The following MACF1 variants were observed in gnomAD, a reference collection of about 807,000 sequenced individuals.
MACF1 encodes microtubule-actin cross-linking factor 1.
A neutral mutation model predicts 854.8 loss-of-function variants in MACF1; 193 were observed. The observed-to-expected ratio is 0.23, with a 90% CI of 0.20 to 0.25. The LOEUF is 0.25. MACF1 is among the 10% of genes least tolerant of loss of function. The probability of loss-of-function intolerance (pLI) is 1.00; values close to 1 mark genes in which losing one functional copy is unlikely to be tolerated. For missense variants in MACF1, 7,722 were observed against 8,929.1 expected (o/e 0.86, Z 5.45); for synonymous variants, 3,185 against 3,226.7 (o/e 0.99, Z 0.44).
intron 58 of MACF1, chr1:39,412,512 GGATCTCC>G: frequency 6.2e-7 from 1 of 1,613,990 alleles, no homozygotes; most frequent in Non-Finnish European, 8.5e-7. Context: ...AGGTCTTCCA[GGATCTCC>G]AGAGGAAGTC....
chr1:39,453,064 G>T (rs116060943), intron 87 of MACF1, among the ~76,000 whole-genome samples: 3,850 of 152,200 alleles, frequency 0.025, 84 homozygotes, highest in Middle Eastern at 0.078. Context: ...TTTAAACATG[G>T]TATTAAGAAA....
intron 2 of MACF1, among the ~76,000 whole-genome samples, chr1:39,169,878 A>G (rs1643924439): frequency 6.8e-6 from 1 of 146,428 alleles, no homozygotes; most frequent in African/African-American, 2.5e-5. Context: ...GGTTCACGCC[A>G]TTCTCCTGCC....
chr1:39,360,015 ATATATATATATATATAT>A (rs1648000107), intron 47 of MACF1, among the ~76,000 whole-genome samples: 2 of 31,972 alleles, frequency 6.3e-5, no homozygotes, highest in Non-Finnish European at 1.1e-4. Flanking sequence ...AAAAAAAAAT[ATATATATATATATATAT>A]ATATATATAT....
chr1:39,197,996 G>A (rs1033746022), intron 2 of MACF1, among the ~76,000 whole-genome samples: 6 of 152,066 alleles, frequency 3.9e-5, no homozygotes, highest in Non-Finnish European at 8.8e-5. Flanking sequence ...CCAGGAGTTC[G>A]AGACCAGCCT....
chr1:39,100,225 T>A (rs2148129873), intron 2 of MACF1, among the ~76,000 whole-genome samples: 1 of 152,186 alleles, frequency 6.6e-6, no homozygotes, highest in East Asian at 1.9e-4. Context: ...AGTAAGACGC[T>A]GCCTCTAAAT....
rs1644257868 is a variant in MACF1 at position 39,447,752 on chromosome 1, A to T, written c.19822A>T (p.Asn6608Tyr). ...GATCATTGAGCTGGATCAAACTGGG[A>T]ATCAATTAAAGTTCCTTAGCCAAAA... is the stretch of plus-strand genomic sequence containing the variant. Reference protein sequence around the residue: ...DQIIELDQTGNQLKFLSQKQD... With the variant: ...DQIIELDQTGYQLKFLSQKQD... The change falls in exon 82 of 101, where the codon AAT (asparagine) becomes TAT (tyrosine). Residue 6608 changes from asparagine (N) to tyrosine (Y), a missense_variant. Asn to Tyr is a moderately radical substitution (Grantham distance 143, BLOSUM62 -2). This residue lies in a region of MACF1 where 729 missense variants were observed against 900.5 expected (regional missense o/e 0.81). Coordinates refer to ENST00000564288, the MANE Select transcript of MACF1 (RefSeq NM_001394062.1). The T allele has an allele frequency of 6.2e-7, 1 of 1,614,164 alleles. No individual in the cohort carries two copies. The highest frequency in any genetic ancestry group is 8.5e-7 in the Non-Finnish European group (1 of 1,180,032).
upstream of MACF1, among the ~76,000 whole-genome samples, chr1:39,200,472 G>T (rs998390327): frequency 1.9e-4 from 29 of 152,250 alleles, no homozygotes; most frequent in African/African-American, 7.0e-4. Context: ...GCCGAGGCAG[G>T]TGGATCACCT....
chr1:39,277,059 C>A (rs1224067275), intron 6 of MACF1, among the ~76,000 whole-genome samples: 4 of 151,628 alleles, frequency 2.6e-5, no homozygotes, highest in Non-Finnish European at 5.9e-5. Context: ...TGTATACAAG[C>A]CTTAACATTA....
At chr1:39,199,083 T>A (rs1460101485) in intron 2 of MACF1, among the ~76,000 whole-genome samples, 1 of 151,846 alleles carries the variant, frequency 6.6e-6, no homozygotes, top group African/African-American at 2.4e-5. Flanking sequence ...CCTACCAGGT[T>A]CACACCATTC....
At chr1:39,273,699 G>A (rs748369365) in intron 6 of MACF1, among the ~76,000 whole-genome samples, 13 of 152,032 alleles carry the variant, frequency 8.6e-5, no homozygotes, top group South Asian at 4.2e-4. Flanking sequence ...CCGGGTTCAC[G>A]CCATTCTCCT....
chr1:39,448,247 C>G (rs748051154), intron 83 of MACF1, 95 bp downstream of exon 83: 121 of 1,386,588 alleles, frequency 8.7e-5, no homozygotes, highest in Non-Finnish European at 1.1e-4. Flanking sequence ...AAAAAGAAAA[C>G]CAATTGGTTA....
Position 39,372,503 on chromosome 1 carries a change from A to G in MACF1, c.13120A>G (p.Lys4374Glu). The G allele has an allele frequency of 6.2e-7, 1 of 1,613,198 alleles. No homozygotes were observed. The highest frequency in any genetic ancestry group is 8.5e-7 in the Non-Finnish European group (1 of 1,179,246). ...GAGTCTACTAGATGACTGGGCAAGT[A>G]AGGGAACTCTGGTGGAAGAAATCAA... ...LKSLLDDWAS[K>E]GTLVEEINCK... The change falls in exon 52 of 101, where the codon AAG becomes GAG. Residue 4374 changes from lysine to glutamate, a missense_variant. Lys to Glu is a moderately conservative substitution (Grantham distance 56). Transcript: ENST00000564288.
intron 97 of MACF1, among the ~76,000 whole-genome samples, chr1:39,477,129 T>TACACAC (rs1271205887): frequency 0.013 from 382 of 30,316 alleles, 28 homozygotes; most frequent in Middle Eastern, 0.017. Context: ...TATATATATA[T>TACACAC]ATATATACAC....
At position 39,088,395 on chromosome 1, in the gene MACF1, A is replaced by G. The variant is rs965829520; in HGVS notation, c.220+3957A>G. On this transcript the variant is annotated intron_variant, in intron 2 of 93. Transcript: ENST00000361689. ...TGAGCCACCGCACCCGGCCCTGTAC[A>G]TTGTTATTTCTATTTCCTTAGGCAA... Among the ~76,000 whole-genome samples the G allele has an allele frequency of 1.4e-4, 22 of 152,262 alleles. No individual in the cohort carries two copies. In the South Asian group the frequency reaches 2.3e-3, roughly 16 times the overall value.
chr1:39,243,047 T>C (rs187781792), intron 2 of MACF1, among the ~76,000 whole-genome samples: 1 of 152,330 alleles, frequency 6.6e-6, no homozygotes. Flanking sequence ...AACTGCACCA[T>C]TTTACATCCT....
At chr1:39,363,604 C>CTTT (rs1553308665) in intron 49 of MACF1, among the ~76,000 whole-genome samples, 1 of 136,106 alleles carries the variant, frequency 7.3e-6, no homozygotes, top group Non-Finnish European at 1.6e-5. Context: ...TTCTTTCTTT[C>CTTT]TTTTTTTTTT....
chr1:39,393,846 G>GGAGAGA (rs10652572), intron 58 of MACF1, among the ~76,000 whole-genome samples: 44 of 140,818 alleles, frequency 3.1e-4, no homozygotes, highest in African/African-American at 9.9e-4. Flanking sequence ...AGGGAGGGAG[G>GGAGAGA]GAGAGAGAGA....
chr1:39,316,325 C>G (rs1438462476), intron 27 of MACF1, 66 bp from the exon 28 acceptor site: 4 of 1,392,750 alleles, frequency 2.9e-6, no homozygotes, highest in Admixed American at 4.1e-5. Flanking sequence ...CTATAGCACT[C>G]CAGGTATATA....
At chr1:39,239,890 CAA>C (rs1644902560) in intron 2 of MACF1, among the ~76,000 whole-genome samples, 1 of 152,146 alleles carries the variant, frequency 6.6e-6, no homozygotes, top group African/African-American at 2.4e-5. Context: ...TGCTTACAAC[CAA>C]CCCTTCCTTC....
Sources: gnomAD v4.1 joint callset for allele counts (sites outside exome capture counted in the v4.1 genomes callset) on GRCh38, gnomAD v4.1.1 for gene constraint, gnomAD v4.1.1 regional missense constraint, MANE v1.5 for transcripts, NCBI Gene and HGNC (gene_info 2026-07-23, HGNC 2026-07-21) for gene names.